The following GPC5 variants were observed in gnomAD, a reference collection of about 807,000 sequenced individuals.
GPC5 encodes the protein glypican-5.
GPC5 carries 47 observed loss-of-function variants against 53.9 expected under a neutral mutation model. The ratio of observed to expected loss-of-function variants is 0.87; its 90% CI spans 0.69 to 1.11. The LOEUF is 1.11. GPC5 is among the 50% of genes most tolerant of loss of function. The pLI, the probability that GPC5 is intolerant of heterozygous loss-of-function variation, is 0.00. For synonymous variants in GPC5, 286 were observed against 263.3 expected, an observed-to-expected ratio of 1.09 and a Z score of -0.84; for missense variants, 748 against 713.1, an observed-to-expected ratio of 1.05 and a Z score of -0.56.
At chr13:92,627,378 T>G (rs977495404) in intron 7 of GPC5, among the ~76,000 whole-genome samples, 2 of 152,216 alleles carry the variant, frequency 1.3e-5, no homozygotes, top group African/African-American at 2.4e-5. Context: ...TGGATTTGTT[T>G]ATTGGTTGCA....
intron 7 of GPC5, among the ~76,000 whole-genome samples, chr13:92,562,566 AT>A: frequency 6.6e-6 from 1 of 152,082 alleles, no homozygotes; most frequent in Non-Finnish European, 1.5e-5. Context: ...TAACCAGAGA[AT>A]TTTGACCTCC....
chr13:92,329,051 C>CT (rs778023027), intron 7 of GPC5, among the ~76,000 whole-genome samples: 26 of 152,204 alleles, frequency 1.7e-4, no homozygotes, highest in Middle Eastern at 3.4e-3. Context: ...CCTTAAATTT[C>CT]TGAGAGGGAA....
intron 7 of GPC5, among the ~76,000 whole-genome samples, chr13:92,205,536 C>T (rs1186078187): frequency 6.6e-6 from 1 of 152,092 alleles, no homozygotes; most frequent in Non-Finnish European, 1.5e-5. Context: ...TTCTAGAAAG[C>T]GGGAACAAAA....
chr13:92,793,082 A>G (rs1594511075), intron 7 of GPC5, among the ~76,000 whole-genome samples: 1 of 152,072 alleles, frequency 6.6e-6, no homozygotes, highest in East Asian at 1.9e-4. Flanking sequence ...CAGAATATAC[A>G]TTTTTCTCAG....
At chr13:92,433,764 G>T (rs532114412) in intron 7 of GPC5, among the ~76,000 whole-genome samples, 2 of 152,150 alleles carry the variant, frequency 1.3e-5, no homozygotes, top group African/African-American at 4.8e-5. Flanking sequence ...GTTGCCGTGT[G>T]TTGAGAAAGT....
intron 7 of GPC5, among the ~76,000 whole-genome samples, chr13:92,385,435 TACATATATACATATATACATATATAC>T (rs1566567447): frequency 5.1e-4 from 42 of 81,748 alleles, no homozygotes; most frequent in South Asian, 1.8e-3. Flanking sequence ...TATACATATA[TACATATATACATATATACATATATAC>T]ACATATATAC....
intron 6 of GPC5, among the ~76,000 whole-genome samples, chr13:92,082,616 C>T (rs1261122168): frequency 6.6e-6 from 1 of 152,052 alleles, no homozygotes. Flanking sequence ...ATTTTAATGC[C>T]TCAGCATTAA....
At chr13:92,307,906 T>C (rs886356004) in intron 7 of GPC5, among the ~76,000 whole-genome samples, 7 of 152,252 alleles carry the variant, frequency 4.6e-5, no homozygotes, top group African/African-American at 1.7e-4. Context: ...GCTTTTGTTA[T>C]GTCCATGTTT....
intron 5 of GPC5, among the ~76,000 whole-genome samples, chr13:91,883,044 T>G (rs981135273): frequency 3.3e-5 from 5 of 152,176 alleles, no homozygotes; most frequent in African/African-American, 4.8e-5. Flanking sequence ...GCAGGATTCA[T>G]CTGAGTGATT....
intron 7 of GPC5, among the ~76,000 whole-genome samples, chr13:92,839,782 C>T (rs995833020): frequency 1.3e-5 from 2 of 151,842 alleles, no homozygotes; most frequent in Non-Finnish European, 1.5e-5. Context: ...CTCAAATAAA[C>T]GCAATCAGTA....
chr13:92,038,718 T>A (rs1057133716), intron 6 of GPC5, among the ~76,000 whole-genome samples: 2 of 145,536 alleles, frequency 1.4e-5, no homozygotes, highest in African/African-American at 5.2e-5. Flanking sequence ...AGATAGATAG[T>A]ATATACATAT....
chr13:92,646,760 T>A (rs1443622225), intron 7 of GPC5, among the ~76,000 whole-genome samples: 1 of 151,910 alleles, frequency 6.6e-6, no homozygotes, highest in African/African-American at 2.4e-5. Context: ...CTATTCTGAA[T>A]AATTTAATGT....
intron 7 of GPC5, among the ~76,000 whole-genome samples, chr13:92,761,514 T>C (rs912227813): frequency 3.9e-5 from 6 of 152,168 alleles, no homozygotes; most frequent in Non-Finnish European, 7.4e-5. Context: ...CAAAGTCTAT[T>C]TTATTTGATA....
intron 7 of GPC5, among the ~76,000 whole-genome samples, chr13:92,663,825 TACACACACTATATATATATACAC>T (rs1886452150): frequency 1.6e-5 from 2 of 126,840 alleles, no homozygotes; most frequent in African/African-American, 6.7e-5. Flanking sequence ...TATATATATA[TACACACACTATATATATATACAC>T]ACACACACTA....
intron 7 of GPC5, among the ~76,000 whole-genome samples, chr13:92,740,901 TA>T (rs1566394361): frequency 0.057 from 3,658 of 64,214 alleles, 99 homozygotes; most frequent in Admixed American, 0.15. Flanking sequence ...TTTATTTATA[TA>T]TATATATATA....
chr13:91,893,205 A>G (rs888375280), intron 5 of GPC5, among the ~76,000 whole-genome samples: 3 of 152,142 alleles, frequency 2.0e-5, no homozygotes, highest in East Asian at 3.9e-4. Flanking sequence ...AAATCCTAAC[A>G]CCTTGAAACA....
At chr13:91,572,085 A>G (rs1315627152) in intron 2 of GPC5, among the ~76,000 whole-genome samples, 1 of 137,652 alleles carries the variant, frequency 7.3e-6, no homozygotes, top group Admixed American at 7.0e-5. Context: ...ACATATGTAT[A>G]TGTACATGTG....
intron 7 of GPC5, among the ~76,000 whole-genome samples, chr13:92,191,067 A>T (rs535527458): frequency 6.6e-6 from 1 of 152,264 alleles, no homozygotes; most frequent in East Asian, 1.9e-4. Flanking sequence ...GAGACTAGCT[A>T]TGTTAATTTC....
chr13:92,257,394 T>C (rs1438701944), intron 7 of GPC5, among the ~76,000 whole-genome samples: 3 of 152,076 alleles, frequency 2.0e-5, no homozygotes, highest in Admixed American at 2.0e-4. Flanking sequence ...TGAAAAAATT[T>C]TGTTTAGAGA....
Sources: allele counts gnomAD v4.1 joint callset (sites outside exome capture counted in the v4.1 genomes callset), GRCh38; gene constraint gnomAD v4.1.1; transcripts MANE v1.5; gene names NCBI Gene and HGNC (gene_info 2026-07-23, HGNC 2026-07-21).